CERKL: variants seen among roughly 807,000 people sequenced by gnomAD.
CERKL encodes the protein CERK like autophagy regulator.
In CERKL, 61 loss-of-function variants were observed where a neutral mutation model predicts 63.4. The observed-to-expected ratio is 0.96, with a 90% CI of 0.78 to 1.19. The LOEUF (loss-of-function observed/expected upper bound fraction) is 1.19. CERKL is among the 50% of genes most tolerant of loss of function. The pLI, the probability that CERKL is intolerant of heterozygous loss-of-function variation, is 0.00. For synonymous variants in CERKL, 250 were observed against 230.5 expected (o/e 1.08, Z -0.77); for missense variants, 675 against 655.5 (o/e 1.03, Z -0.33).
In CERKL at chr2:181,548,862, A is replaced by G; in HGVS notation, c.896-5T>C. 4 of 1,612,868 alleles carry G rather than the reference A, an allele frequency of 2.5e-6. No homozygotes were observed. The South Asian group carries it at 4.4e-5, about 18-fold the overall frequency. ...CGTCGACCAGCTGTACATGCCCTTG[A>G]ATATTACATTAAATATTAATCAGTG... On this transcript the variant is annotated splice_polypyrimidine_tract_variant and splice_region_variant and intron_variant, in intron 6 of 12. Transcript: ENST00000410087.
At chr2:181,630,125 G>A (rs1294831412) in intron 1 of CERKL, among the ~76,000 whole-genome samples, 2 of 151,798 alleles carry the variant, frequency 1.3e-5, no homozygotes, top group Non-Finnish European at 1.5e-5. Flanking sequence ...TCTGCCTCCT[G>A]GGCTGTAGCA....
At chr2:181,610,062 C>G (rs1260570345) in intron 1 of CERKL, among the ~76,000 whole-genome samples, 1 of 151,956 alleles carries the variant, frequency 6.6e-6, no homozygotes, top group Non-Finnish European at 1.5e-5. Context: ...TAATAAAGAC[C>G]TCAAAAGTCC....
intron 1 of CERKL, among the ~76,000 whole-genome samples, chr2:181,611,146 C>A (rs1385256633): frequency 1.3e-5 from 2 of 151,984 alleles, no homozygotes; most frequent in African/African-American, 4.8e-5. Flanking sequence ...TCGCTTGAAC[C>A]CAGGAGGCGG....
At chr2:181,626,346 C>A (rs933024380) in intron 1 of CERKL, among the ~76,000 whole-genome samples, 13 of 151,606 alleles carry the variant, frequency 8.6e-5, no homozygotes, top group Non-Finnish European at 1.9e-4. Flanking sequence ...CAAGAAAAAC[C>A]AATATAGTGG....
chr2:181,581,347 C>T (rs377024700), intron 2 of CERKL, among the ~76,000 whole-genome samples: 24 of 152,268 alleles, frequency 1.6e-4, no homozygotes, highest in African/African-American at 5.1e-4. Context: ...TAAAAGACAA[C>T]ACTTCTACCT....
chr2:181,633,004 C>G (rs1013158883), intron 1 of CERKL, among the ~76,000 whole-genome samples: 25 of 152,162 alleles, frequency 1.6e-4, no homozygotes, highest in Admixed American at 1.6e-3. Context: ...GACACAGAGG[C>G]GCCTGACTCT....
chr2:181,556,334 C>T (rs937412749), intron 5 of CERKL, among the ~76,000 whole-genome samples: 1 of 151,906 alleles, frequency 6.6e-6, no homozygotes, highest in African/African-American at 2.4e-5. Context: ...TGTTGGTGTG[C>T]TGCACCCATT....
chr2:181,560,756 C>A (rs1349025277), intron 4 of CERKL, among the ~76,000 whole-genome samples: 3 of 151,978 alleles, frequency 2.0e-5, no homozygotes, highest in Non-Finnish European at 2.9e-5. Context: ...ATATTAGATA[C>A]CTTTTCTATA....
intron 1 of CERKL, among the ~76,000 whole-genome samples, chr2:181,619,450 T>G (rs1341527266): frequency 6.6e-6 from 1 of 152,162 alleles, no homozygotes; most frequent in Non-Finnish European, 1.5e-5. Context: ...AATTGGCCCT[T>G]TCTCCAGCTT....
rs140898616 is a variant in CERKL, at chr2:181,558,651, C to G, written c.735G>C (p.Leu245=). ...SASEVAHALL[L]RAQKNAGMET... is the part of the protein sequence containing the mutation. ...CCATCCCAGCATTCTTCTGAGCTCTCAGAAGCAAAGCATGGGCTACTTCGC... is the reference window on the plus strand; with the variant it reads ...CCATCCCAGCATTCTTCTGAGCTCTGAGAAGCAAAGCATGGGCTACTTCGC... The change falls in exon 5 of 13, where the codon CTG becomes CTC. Residue 245 remains leucine (L), a synonymous_variant. Transcript: ENST00000410087. The surrounding 1 kb of genome is among the most constrained non-coding windows in gnomAD (Gnocchi z 4.2). The G allele has an allele frequency of 6.9e-4, 1,107 of 1,613,738 alleles. 3 individuals carry two copies. In the Middle Eastern group the frequency reaches 0.011, roughly 17 times the overall value.
At chr2:181,621,637 G>C (rs973869072) in intron 1 of CERKL, among the ~76,000 whole-genome samples, 1 of 152,220 alleles carries the variant, frequency 6.6e-6, no homozygotes, top group African/African-American at 2.4e-5. Context: ...CGCATAGTTA[G>C]TACTATGATA....
At chr2:181,562,782 T>G (rs769327) in intron 4 of CERKL, among the ~76,000 whole-genome samples, 57,771 of 151,874 alleles carry the variant, frequency 0.38, 11,434 homozygotes, top group African/African-American at 0.47. Flanking sequence ...CCATCATCTA[T>G]GAAATGTTCA....
At chr2:181,552,727 G>A (rs6726444) in intron 5 of CERKL, among the ~76,000 whole-genome samples, 37,088 of 151,940 alleles carry the variant, frequency 0.24, 4,909 homozygotes, top group African/African-American at 0.35. Context: ...TTTTATGCAT[G>A]TTTATCTTTA....
chr2:181,599,924 A>G (rs890263643), intron 2 of CERKL, among the ~76,000 whole-genome samples: 2 of 152,184 alleles, frequency 1.3e-5, no homozygotes, highest in African/African-American at 4.8e-5. Flanking sequence ...GTCAACACCA[A>G]AGAAAAAATA....
intron 4 of CERKL, among the ~76,000 whole-genome samples, chr2:181,565,717 C>A (rs1483712605): frequency 6.6e-6 from 1 of 152,004 alleles, no homozygotes; most frequent in African/African-American, 2.4e-5. Context: ...GCCATGTGAC[C>A]AGTATAACAT....
intron 1 of CERKL, among the ~76,000 whole-genome samples, chr2:181,618,904 A>C (rs1312627894): frequency 6.6e-6 from 1 of 152,170 alleles, no homozygotes; most frequent in Non-Finnish European, 1.5e-5. Context: ...GCCTTATGAA[A>C]ATTAAGCCTA....
intron 1 of CERKL, among the ~76,000 whole-genome samples, chr2:181,610,497 T>A (rs547425561): frequency 1.3e-5 from 2 of 152,374 alleles, no homozygotes; most frequent in Non-Finnish European, 1.5e-5. Context: ...GCAATATTCA[T>A]GCTCTTCAAT....
chr2:181,573,859 T>C lies in CERKL; in HGVS notation c.507A>G (p.Leu169=). The C allele has an allele frequency of 6.2e-7, 1 of 1,613,010 alleles. No individual in the cohort carries two copies. Among genetic ancestry groups the C allele is most frequent in the Non-Finnish European group, 8.5e-7 (1 of 1,179,418 alleles). ...GACTTTGGGGGTTAAGGAGTATTTT[T>C]AATGACTTCGGTCTGTTTGGAAAGC... ...LAGFPNRPKS[L]KILLNPQSHK... is the part of the protein sequence containing the mutation. The change falls in exon 3 of 13, where the codon TTA becomes TTG. Residue 169 remains leucine (L), a synonymous_variant. Transcript: ENST00000410087.
rs1293520543 is a variant in CERKL at position 181,657,032 on chromosome 2, C to G, written c.-26G>C. On this transcript the variant is annotated 5_prime_UTR_variant, in exon 1 of 13. Coordinates refer to ENST00000410087, the MANE Select transcript of CERKL (RefSeq NM_201548.5). ...GGCGGAGTCGCAGGCTGGGCCCGAG[C>G]CAGGGGTCCGGGGAGGCCTTTGGAG... The G allele has an allele frequency of 5.8e-6, 9 of 1,559,698 alleles. No individual in the cohort carries two copies. In the Admixed American group the frequency reaches 1.6e-4, roughly 29 times the overall value.
Sources: gnomAD v4.1 joint callset for allele counts (sites outside exome capture counted in the v4.1 genomes callset) on GRCh38, gnomAD v4.1.1 for gene constraint, Gnocchi (gnomAD v3.1) non-coding constraint, MANE v1.5 for transcripts, NCBI Gene and HGNC (gene_info 2026-07-23, HGNC 2026-07-21) for gene names.